IAPP: variants seen among roughly 807,000 people sequenced by gnomAD.
IAPP encodes Islet amyloid polypeptide (diabetes-associated peptide; amylin).
IAPP carries 4 observed loss-of-function variants against 2.9 expected under a neutral mutation model. That is an observed-to-expected ratio of 1.39 (90% CI 0.69 to 3.19). The LOEUF (loss-of-function observed/expected upper bound fraction) is 3.19. Among genes scored for constraint, IAPP ranks in the 30% most tolerant of loss-of-function variants. IAPP has a pLI of 0.01. For synonymous variants in IAPP, 40 were observed against 42.1 expected (o/e 0.95, Z 0.19); for missense variants, 114 against 105.3 (o/e 1.08, Z -0.36).
intron 1 of IAPP, among the ~76,000 whole-genome samples, chr12:21,366,749 C>T (rs1476686287): frequency 6.6e-6 from 1 of 151,694 alleles, no homozygotes; most frequent in Non-Finnish European, 1.5e-5. Flanking sequence ...ATTCAGAAAG[C>T]AAGATCTCTT....
At chr12:21,355,101 A>G (rs1287769195) in intron 1 of IAPP, 1 of 152,192 alleles carries the variant, frequency 6.6e-6, no homozygotes, top group Middle Eastern at 3.2e-3. Flanking sequence ...ATACAAAGAT[A>G]CTACTTTTCT....
intron 1 of IAPP, among the ~76,000 whole-genome samples, chr12:21,360,188 T>A (rs951689864): frequency 3.9e-5 from 6 of 152,182 alleles, no homozygotes; most frequent in Admixed American, 1.3e-4. Flanking sequence ...TAAAAAAGGT[T>A]ACAAGACAAC....
intron 1 of IAPP, among the ~76,000 whole-genome samples, chr12:21,356,284 T>A (rs1010563253): frequency 6.6e-6 from 1 of 152,012 alleles, no homozygotes; most frequent in Non-Finnish European, 1.5e-5. Flanking sequence ...TAATTATCAT[T>A]ATTAATATGA....
chr12:21,360,008 T>C (rs1027813879), intron 1 of IAPP, among the ~76,000 whole-genome samples: 1 of 151,980 alleles, frequency 6.6e-6, no homozygotes, highest in Non-Finnish European at 1.5e-5. Context: ...AAAATCATTA[T>C]GCTATGTAAA....
chr12:21,373,419 C>T lies in IAPP; in HGVS notation c.68C>T (p.Thr23Ile), dbSNP rs1939945928. Reference sequence around the variant, plus strand: ...GTTGCATTGAACCATCTGAAAGCTACACCCATTGAAAGGTTGGTAACTTTA... The same window carrying T: ...GTTGCATTGAACCATCTGAAAGCTATACCCATTGAAAGGTTGGTAACTTTA... ...LSVALNHLKA[T>I]PIESHQVEKR... The change falls in exon 2 of 3, where the codon ACA (threonine) becomes ATA (isoleucine). Residue 23 changes from threonine (T) to isoleucine (I), a missense_variant. Thr to Ile is a moderately conservative substitution (Grantham distance 89). Transcript: ENST00000240652. 6.2e-7 allele frequency: 1 copy of T among 1,611,700 alleles called. No homozygotes were observed. Among genetic ancestry groups the T allele is most frequent in the African/African-American group, 1.3e-5 (1 of 75,002 alleles).
chr12:21,363,436 C>G (rs1378060809), intron 1 of IAPP, among the ~76,000 whole-genome samples: 2 of 152,030 alleles, frequency 1.3e-5, no homozygotes, highest in Admixed American at 6.6e-5. Context: ...GCCCACAAGA[C>G]AAAGCAGGAG....
chr12:21,368,808 T>C (rs934179099), upstream of IAPP, among the ~76,000 whole-genome samples: 6 of 152,120 alleles, frequency 3.9e-5, no homozygotes, highest in African/African-American at 1.2e-4. Context: ...ACACCTAATA[T>C]TGATATAATT....
intron 1 of IAPP, among the ~76,000 whole-genome samples, chr12:21,360,885 T>C (rs1938803110): frequency 6.6e-6 from 1 of 152,020 alleles, no homozygotes; most frequent in Non-Finnish European, 1.5e-5. Context: ...ACAAAGCAGC[T>C]AGGAACTCGA....
intron 1 of IAPP, among the ~76,000 whole-genome samples, chr12:21,360,848 C>T (rs1458424302): frequency 1.2e-4 from 19 of 152,246 alleles, no homozygotes; most frequent in Admixed American, 6.5e-5. Flanking sequence ...GAGGGGCGTC[C>T]GCCATTGCTG....
intron 1 of IAPP, among the ~76,000 whole-genome samples, chr12:21,363,114 A>G (rs1182807284): frequency 4.6e-5 from 7 of 152,202 alleles, no homozygotes; most frequent in African/African-American, 1.4e-4. Context: ...AACACATCAC[A>G]CTTATTCCAA....
upstream of IAPP, among the ~76,000 whole-genome samples, chr12:21,371,967 A>G (rs1171774253): frequency 1.3e-5 from 2 of 151,946 alleles, no homozygotes; most frequent in Non-Finnish European, 2.9e-5. Flanking sequence ...GCACCCTTGT[A>G]CTCCAGCCTG....
chr12:21,369,308 T>C (rs1045395984), upstream of IAPP, among the ~76,000 whole-genome samples: 29 of 152,298 alleles, frequency 1.9e-4, no homozygotes, highest in African/African-American at 6.7e-4. Context: ...TGGAGTCATT[T>C]ACTTCTCTAA....
At chr12:21,378,153 C>T in intron 2 of IAPP, 84 bp from the exon 3 acceptor site, 1 of 1,247,714 alleles carries the variant, frequency 8.0e-7, no homozygotes, top group Non-Finnish European at 1.2e-6. Context: ...TGGTTTTCAT[C>T]AATACAAGAT....
At chr12:21,372,815 T>G (rs1939897629), upstream of IAPP, 3 of 159,646 alleles carry the variant, frequency 1.9e-5, no homozygotes, top group African/African-American at 7.2e-5. Context: ...GGATGGAAAT[T>G]AATGACAGAG....
At chr12:21,366,876 A>G (rs1433374209) in intron 1 of IAPP, among the ~76,000 whole-genome samples, 1 of 152,070 alleles carries the variant, frequency 6.6e-6, no homozygotes, top group Non-Finnish European at 1.5e-5. Context: ...ATATATAAAC[A>G]CAAGATTAAT....
At chr12:21,361,859 G>T (rs1938921761) in intron 1 of IAPP, among the ~76,000 whole-genome samples, 1 of 152,102 alleles carries the variant, frequency 6.6e-6, no homozygotes, top group Non-Finnish European at 1.5e-5. Context: ...AGAGTAAAAA[G>T]AAATGAACAA....
chr12:21,360,258 G>C (rs149294814), intron 1 of IAPP, among the ~76,000 whole-genome samples: 1 of 152,180 alleles, frequency 6.6e-6, no homozygotes, highest in African/African-American at 2.4e-5. Flanking sequence ...AGGAGTGTGT[G>C]CATTGGCCAA....
At chr12:21,356,542 CATA>C (rs72296796) in intron 1 of IAPP, among the ~76,000 whole-genome samples, 57,011 of 151,378 alleles carry the variant, frequency 0.38, 10,895 homozygotes, top group East Asian at 0.47. Flanking sequence ...GAGTCATGAT[CATA>C]ATATTTGAAA....
intron 1 of IAPP, among the ~76,000 whole-genome samples, chr12:21,363,175 C>T (rs1179086935): frequency 6.6e-6 from 1 of 152,092 alleles, no homozygotes; most frequent in Non-Finnish European, 1.5e-5. Flanking sequence ...TGTAAAAGAA[C>T]AGAAATTATA....
Sources: allele counts gnomAD v4.1 joint callset (sites outside exome capture counted in the v4.1 genomes callset), GRCh38; gene constraint gnomAD v4.1.1; transcripts MANE v1.5; gene names NCBI Gene and HGNC (gene_info 2026-07-23, HGNC 2026-07-21).